KCNQ5: variants seen among roughly 807,000 people sequenced by gnomAD.
KCNQ5 encodes potassium voltage-gated channel subfamily KQT member 5.
In KCNQ5, 30 loss-of-function variants were observed where a neutral mutation model predicts 98.2. The observed-to-expected ratio is 0.31, with a 90% CI of 0.23 to 0.41. The LOEUF is 0.41. Among genes scored for constraint, KCNQ5 ranks in the 10% least tolerant of loss-of-function variants. The pLI, the probability that KCNQ5 is intolerant of heterozygous loss-of-function variation, is 1.00. For missense variants in KCNQ5, 835 were observed against 1,182.5 expected (o/e 0.71, Z 4.31); for synonymous variants, 458 against 449.4 (o/e 1.02, Z -0.24).
chr6:73,038,558 A>C (rs1202339859), intron 2 of KCNQ5, among the ~76,000 whole-genome samples: 2 of 152,058 alleles, frequency 1.3e-5, no homozygotes, highest in Non-Finnish European at 2.9e-5. Context: ...TAACTTGCCA[A>C]GAGTTTTTTT....
intron 1 of KCNQ5, among the ~76,000 whole-genome samples, chr6:72,796,266 C>A (rs1774330404): frequency 6.6e-6 from 1 of 151,802 alleles, no homozygotes; most frequent in South Asian, 2.1e-4. Flanking sequence ...GAAATTTGAC[C>A]CAAACTAATA....
At chr6:73,028,062 C>A (rs186393917) in intron 2 of KCNQ5, among the ~76,000 whole-genome samples, 18 of 152,300 alleles carry the variant, frequency 1.2e-4, no homozygotes, top group African/African-American at 3.8e-4. Flanking sequence ...ATTCTATTCC[C>A]TGCCTGCCAA....
At chr6:72,929,597 A>G (rs1469147032) in intron 1 of KCNQ5, among the ~76,000 whole-genome samples, 1 of 152,168 alleles carries the variant, frequency 6.6e-6, no homozygotes, top group Non-Finnish European at 1.5e-5. Flanking sequence ...TACATAAAGT[A>G]CAATGGAGTA....
rs544101812 is a variant in KCNQ5 at position 72,834,743 on chromosome 6, T to G, written c.399-169165T>G. Reference sequence around the variant, plus strand: ...GAAAACCAAAGCAAGGCCTGTAATCTTTCTTAACATGCATGTGTAACTTCC... The same window carrying G: ...GAAAACCAAAGCAAGGCCTGTAATCGTTCTTAACATGCATGTGTAACTTCC... On this transcript the variant is annotated intron_variant, in intron 1 of 13. Transcript: ENST00000370398. Among the ~76,000 whole-genome samples, 322 of 152,278 alleles carry G rather than the reference T, an allele frequency of 2.1e-3. 1 individual carries two copies. Among genetic ancestry groups the G allele is most frequent in the African/African-American group, 7.5e-3 (311 of 41,564 alleles).
intron 5 of KCNQ5, among the ~76,000 whole-genome samples, chr6:73,097,814 G>A (rs945143140): frequency 6.6e-6 from 1 of 152,194 alleles, no homozygotes; most frequent in African/African-American, 2.4e-5. Flanking sequence ...TGGGCTTGGG[G>A]TACCCCTTAA....
intron 10 of KCNQ5, among the ~76,000 whole-genome samples, chr6:73,147,536 C>T (rs182667069): frequency 5.9e-4 from 90 of 152,020 alleles, no homozygotes; most frequent in African/African-American, 2.1e-3. Flanking sequence ...TATCAGGGAC[C>T]GCTTCCTTTA....
At chr6:72,886,710 T>C (rs9283796) in intron 1 of KCNQ5, among the ~76,000 whole-genome samples, 40,347 of 151,930 alleles carry the variant, frequency 0.27, 5,717 homozygotes, top group East Asian at 0.48. Flanking sequence ...GAATGACAAT[T>C]AGACTGACAA....
intron 3 of KCNQ5, among the ~76,000 whole-genome samples, chr6:73,073,845 A>AG (rs1773403850): frequency 6.6e-6 from 1 of 152,226 alleles, no homozygotes; most frequent in Non-Finnish European, 1.5e-5. Context: ...AACTAACTGC[A>AG]CAGCTTAAGC....
chr6:73,183,299 G>A (rs1439316697), intron 11 of KCNQ5, among the ~76,000 whole-genome samples: 3 of 152,186 alleles, frequency 2.0e-5, no homozygotes, highest in Admixed American at 1.3e-4. Flanking sequence ...ACCTTGAACA[G>A]GTAACTCAAC....
At chr6:73,099,652 C>A (rs899425414) in intron 5 of KCNQ5, among the ~76,000 whole-genome samples, 2 of 152,028 alleles carry the variant, frequency 1.3e-5, no homozygotes, top group African/African-American at 4.8e-5. Context: ...TATATATGCA[C>A]CCAACACTGG....
intron 1 of KCNQ5, among the ~76,000 whole-genome samples, chr6:72,785,831 G>A (rs1408299605): frequency 6.6e-6 from 1 of 151,950 alleles, no homozygotes; most frequent in Non-Finnish European, 1.5e-5. Flanking sequence ...TACCTCCTGG[G>A]TGCACACATC....
intron 1 of KCNQ5, among the ~76,000 whole-genome samples, chr6:72,773,747 T>A (rs1469310678): frequency 1.3e-5 from 2 of 152,200 alleles, no homozygotes; most frequent in African/African-American, 4.8e-5. Flanking sequence ...TTTTTTCACT[T>A]CCCTAACAAT....
chr6:72,630,508 A>G (rs2098920220), intron 1 of KCNQ5: 1 of 152,228 alleles, frequency 6.6e-6, no homozygotes, highest in South Asian at 2.1e-4. Context: ...AAAGAAAGGA[A>G]CGATGTGGAC....
chr6:72,777,408 G>T (rs934321507), intron 1 of KCNQ5, among the ~76,000 whole-genome samples: 3 of 152,242 alleles, frequency 2.0e-5, no homozygotes, highest in Non-Finnish European at 2.9e-5. Context: ...TTGGATGGGG[G>T]TGGGGTAAGT....
intron 5 of KCNQ5, among the ~76,000 whole-genome samples, chr6:73,094,335 G>A (rs960194369): frequency 1.3e-5 from 2 of 152,106 alleles, no homozygotes; most frequent in Non-Finnish European, 2.9e-5. Context: ...TAGTTGGTTG[G>A]TGAATTCTTA....
chr6:73,046,036 C>T (rs1272789806), intron 3 of KCNQ5, among the ~76,000 whole-genome samples: 1 of 151,732 alleles, frequency 6.6e-6, no homozygotes, highest in Non-Finnish European at 1.5e-5. Context: ...AAATTGAAGC[C>T]TTTATTAAAA....
chr6:72,994,317 G>A (rs1408275095), intron 1 of KCNQ5, among the ~76,000 whole-genome samples: 4 of 39,256 alleles, frequency 1.0e-4, no homozygotes, highest in East Asian at 1.0e-3. Flanking sequence ...GCGAGATTCC[G>A]TGGGCGTAGG....
chr6:72,974,903 AT>A (rs1464710007), intron 1 of KCNQ5, among the ~76,000 whole-genome samples: 1 of 151,852 alleles, frequency 6.6e-6, no homozygotes, highest in Non-Finnish European at 1.5e-5. Flanking sequence ...CACCCGGCTA[AT>A]TTTTTGTATT....
chr6:73,131,862 G>A (rs987529316), intron 9 of KCNQ5, among the ~76,000 whole-genome samples: 2 of 152,112 alleles, frequency 1.3e-5, no homozygotes, highest in East Asian at 1.9e-4. Context: ...AAACTGCCCC[G>A]CCTGTTCTTT....
Sources: gnomAD v4.1 joint callset for allele counts (sites outside exome capture counted in the v4.1 genomes callset) on GRCh38, gnomAD v4.1.1 for gene constraint, MANE v1.5 for transcripts, NCBI Gene and HGNC (gene_info 2026-07-23, HGNC 2026-07-21) for gene names.